Variants in BMPER observed in about 807,000 individuals in gnomAD.
BMPER encodes the protein BMP binding endothelial regulator, also known as BMP-binding endothelial regulator protein.
BMPER carries 45 observed loss-of-function variants against 87.3 expected under a neutral mutation model. The observed-to-expected ratio is 0.52, with a 90% CI of 0.41 to 0.66. The LOEUF is 0.66. Ranked by LOEUF, BMPER falls within the 30% of genes least tolerant of loss-of-function variation. BMPER has a pLI of 0.00. For missense variants in BMPER, 784 were observed against 867.5 expected (o/e 0.90, Z 1.21); for synonymous variants, 326 against 316.2 (o/e 1.03, Z -0.33).
At chr7:34,126,669 C>G (rs768300501) in intron 13 of BMPER, among the ~76,000 whole-genome samples, 8 of 152,108 alleles carry the variant, frequency 5.3e-5, no homozygotes, top group Non-Finnish European at 1.0e-4. Context: ...TTCCTCTTTC[C>G]TCTTACTTTC....
chr7:34,152,029 C>A (rs1198507950), intron 14 of BMPER, among the ~76,000 whole-genome samples: 1 of 152,194 alleles, frequency 6.6e-6, no homozygotes, highest in Non-Finnish European at 1.5e-5. Context: ...TTTGTGGCAA[C>A]TCTAAATGCA....
At position 34,085,852 on chromosome 7, in the gene BMPER, G is replaced by C. The variant is rs771618404; in HGVS notation, c.1505G>C (p.Gly502Ala). The change falls in exon 13 of 15, where the codon GGA (glycine) becomes GCA (alanine). Residue 502 changes from glycine (G) to alanine (A), a missense_variant. Gly to Ala is a moderately conservative substitution (Grantham distance 60, BLOSUM62 0). Transcript: ENST00000649409. ...KLCGLCGNYN[G>A]HKRDDLIGGD... ...TGTGGTCTTTGTGGCAACTACAATG[G>C]ACATAAACGTGATGACTTAATTGGT... 13 of 1,614,062 alleles carry C rather than the reference G, an allele frequency of 8.1e-6. No homozygotes were observed. In the South Asian group the frequency reaches 1.4e-4, roughly 18 times the overall value.
intron 13 of BMPER, among the ~76,000 whole-genome samples, chr7:34,107,736 AGAGGCTGTGTGACATATGAG>A (rs1789859244): frequency 6.6e-6 from 1 of 152,108 alleles, no homozygotes; most frequent in Non-Finnish European, 1.5e-5. Flanking sequence ...CTTATCTGGT[AGAGGCTGTGTGACATATGAG>A]GTTTGGTGCT....
intron 3 of BMPER, among the ~76,000 whole-genome samples, chr7:33,943,676 T>C (rs1266498911): frequency 6.6e-6 from 1 of 152,208 alleles, no homozygotes; most frequent in African/African-American, 2.4e-5. Context: ...CTGAGAGTTT[T>C]TAAGCCCTTT....
intron 13 of BMPER, among the ~76,000 whole-genome samples, chr7:34,091,530 C>T (rs771873314): frequency 8.5e-5 from 13 of 152,242 alleles, no homozygotes; most frequent in East Asian, 1.9e-4. Context: ...CAGTAGACAC[C>T]GCAGTTGTAG....
intron 6 of BMPER, among the ~76,000 whole-genome samples, chr7:33,986,243 A>G (rs1786009022): frequency 6.6e-6 from 1 of 152,072 alleles, no homozygotes; most frequent in African/African-American, 2.4e-5. Flanking sequence ...AACTATCCAG[A>G]ATCCCCCTAC....
intron 6 of BMPER, among the ~76,000 whole-genome samples, chr7:33,990,521 A>T (rs1786177238): frequency 6.7e-6 from 1 of 149,400 alleles, no homozygotes. Flanking sequence ...TTGGGCTGAG[A>T]CAATGGGGTT....
intron 6 of BMPER, among the ~76,000 whole-genome samples, chr7:34,017,103 A>G (rs1787046222): frequency 6.6e-6 from 1 of 151,878 alleles, no homozygotes. Context: ...TTTGTTGACT[A>G]TGCTGGTTCT....
chr7:34,137,402 C>T (rs1003251012), intron 13 of BMPER, among the ~76,000 whole-genome samples: 2 of 152,230 alleles, frequency 1.3e-5, no homozygotes, highest in African/African-American at 4.8e-5. Context: ...CTGTCCAATC[C>T]TGTGGAAGCT....
chr7:33,938,671 A>G (rs1023500064), intron 3 of BMPER, among the ~76,000 whole-genome samples: 3 of 152,126 alleles, frequency 2.0e-5, no homozygotes, highest in African/African-American at 7.2e-5. Flanking sequence ...CATCCACCAC[A>G]TTTCCATGTG....
chr7:34,129,618 G>GAAAGAAAGAA (rs1554322703), intron 13 of BMPER, among the ~76,000 whole-genome samples: 2 of 52,420 alleles, frequency 3.8e-5, no homozygotes, highest in African/African-American at 7.8e-5. Context: ...GAAAGAGAGA[G>GAAAGAAAGAA]AGAGAGAAAG....
intron 3 of BMPER, among the ~76,000 whole-genome samples, chr7:33,965,345 G>C (rs1024056063): frequency 2.0e-5 from 3 of 151,904 alleles, no homozygotes; most frequent in Admixed American, 6.6e-5. Flanking sequence ...AACATCTATT[G>C]AATTTTTTCT....
intron 11 of BMPER, 47 bp from the exon 12 acceptor site, chr7:34,078,809 TC>T: frequency 6.3e-7 from 1 of 1,591,150 alleles, no homozygotes; most frequent in Non-Finnish European, 8.6e-7. Flanking sequence ...TCTCTGTGAA[TC>T]CTTGGCTTGG....
intron 6 of BMPER, among the ~76,000 whole-genome samples, chr7:33,987,962 C>T (rs909210650): frequency 4.6e-5 from 7 of 152,190 alleles, no homozygotes; most frequent in Admixed American, 2.0e-4. Flanking sequence ...TGTAGTCAAG[C>T]GTTAACAAAA....
Position 34,085,719 on chromosome 7 carries a change from G to A in BMPER, c.1409-37G>A, listed in dbSNP as rs774954201. ...ATTTGGGAATTATTAGTGCGTTAAT[G>A]AGTGATTGATTTCCTTTTCCTCTCC... is the stretch of plus-strand genomic sequence containing the variant. On this transcript the variant is annotated intron_variant, in intron 12 of 14. Transcript: ENST00000649409. 2.6e-6 allele frequency: 4 copies of A among 1,547,896 alleles called. No homozygotes were observed. The South Asian group carries it at 4.5e-5, about 18-fold the overall frequency.
intron 6 of BMPER, among the ~76,000 whole-genome samples, chr7:33,976,539 A>G (rs987751965): frequency 1.3e-4 from 20 of 152,164 alleles, no homozygotes; most frequent in African/African-American, 4.3e-4. Context: ...TTTCTTCCAT[A>G]CTGTAAACTA....
intron 13 of BMPER, among the ~76,000 whole-genome samples, chr7:34,133,687 C>T (rs979418270): frequency 1.8e-4 from 28 of 152,134 alleles, no homozygotes; most frequent in Non-Finnish European, 2.8e-4. Flanking sequence ...GGGAGCAGTG[C>T]TGTGGGACTG....
chr7:33,972,604 C>T (rs1266761826), intron 5 of BMPER, among the ~76,000 whole-genome samples: 1 of 151,964 alleles, frequency 6.6e-6, no homozygotes, highest in Non-Finnish European at 1.5e-5. Flanking sequence ...TGAGTAAGGG[C>T]CAAAGGTGAG....
intron 10 of BMPER, among the ~76,000 whole-genome samples, chr7:34,058,440 C>T (rs1475552949): frequency 6.6e-6 from 1 of 152,200 alleles, no homozygotes; most frequent in African/African-American, 2.4e-5. Context: ...AGATCTCTTT[C>T]TTTGTTTTCT....
Sources: gnomAD v4.1 joint callset for allele counts (sites outside exome capture counted in the v4.1 genomes callset) on GRCh38, gnomAD v4.1.1 for gene constraint, MANE v1.5 for transcripts, NCBI Gene and HGNC (gene_info 2026-07-23, HGNC 2026-07-21) for gene names.